FOCAD: variants seen among roughly 807,000 people sequenced by gnomAD.
FOCAD encodes the protein focadhesin.
FOCAD carries 198 observed loss-of-function variants against 225.6 expected under a neutral mutation model. The ratio of observed to expected loss-of-function variants is 0.88; its 90% CI spans 0.78 to 0.99. The LOEUF (loss-of-function observed/expected upper bound fraction) is 0.99, where lower values mean the gene tolerates loss of function less well. Ranked by LOEUF, FOCAD falls within the 50% of genes least tolerant of loss-of-function variation. The pLI, the probability that FOCAD is intolerant of heterozygous loss-of-function variation, is 0.00. For missense variants in FOCAD, 2,713 were observed against 2,123.6 expected (o/e 1.28, Z -5.46); for synonymous variants, 897 against 755.0 (o/e 1.19, Z -3.08).
At chr9:20,829,221 A>G (rs919597657) in intron 15 of FOCAD, among the ~76,000 whole-genome samples, 1 of 152,114 alleles carries the variant, frequency 6.6e-6, no homozygotes, top group Admixed American at 6.6e-5. Context: ...TGCACCTTCC[A>G]TAATTGTTGA....
At chr9:20,986,648 T>A (rs1841199572) in intron 40 of FOCAD, among the ~76,000 whole-genome samples, 183 bp downstream of exon 40, 2 of 152,294 alleles carry the variant, frequency 1.3e-5, no homozygotes, top group Non-Finnish European at 2.9e-5. Flanking sequence ...CAACATCCAC[T>A]TTTTGGAAAT....
At chr9:20,949,450 C>T (rs190682581) in intron 32 of FOCAD, among the ~76,000 whole-genome samples, 154 bp from the exon 33 acceptor site, 3 of 151,794 alleles carry the variant, frequency 2.0e-5, no homozygotes, top group Admixed American at 1.3e-4. Context: ...GGGGCCCTGC[C>T]TTTGAGGAGT....
At chr9:20,872,159 C>A (rs1261493033) in intron 18 of FOCAD, among the ~76,000 whole-genome samples, 2 of 152,022 alleles carry the variant, frequency 1.3e-5, no homozygotes, top group African/African-American at 4.8e-5. Flanking sequence ...CAGACATATG[C>A]TATTCACTGC....
At chr9:20,781,546 T>A (rs191680637) in intron 9 of FOCAD, among the ~76,000 whole-genome samples, 181 bp from the exon 10 acceptor site, 1 of 152,364 alleles carries the variant, frequency 6.6e-6, no homozygotes, top group Non-Finnish European at 1.5e-5. Flanking sequence ...TTATTTTATA[T>A]AATAGTTTAT....
intron 35 of FOCAD, chr9:20,957,490 T>TTTTTTTTTTC (rs1409037926): frequency 7.7e-6 from 1 of 130,562 alleles, no homozygotes; most frequent in East Asian, 2.3e-4. Context: ...TTTTTTTTTT[T>TTTTTTTTTTC]TTTTGAGACA....
chr9:20,723,254 G>C (rs563096683), intron 4 of FOCAD, among the ~76,000 whole-genome samples: 3 of 152,342 alleles, frequency 2.0e-5, no homozygotes, highest in African/African-American at 7.2e-5. Flanking sequence ...TCGGCAGGCC[G>C]AGGCAGGCGA....
At chr9:20,714,779 G>A (rs1265126930) in intron 1 of FOCAD, among the ~76,000 whole-genome samples, 1 of 151,244 alleles carries the variant, frequency 6.6e-6, no homozygotes, top group African/African-American at 2.4e-5. Flanking sequence ...TTAAAAGTTG[G>A]TGCTAATTGT....
intron 4 of FOCAD, among the ~76,000 whole-genome samples, chr9:20,723,747 T>C (rs1471735701): frequency 1.3e-5 from 2 of 152,174 alleles, no homozygotes; most frequent in African/African-American, 4.8e-5. Context: ...GCATTTTCAG[T>C]GAAAAAATAT....
chr9:20,828,869 T>C (rs1245867224), intron 15 of FOCAD, among the ~76,000 whole-genome samples: 5 of 152,164 alleles, frequency 3.3e-5, no homozygotes, highest in Non-Finnish European at 2.9e-5. Context: ...ATCCCACTTA[T>C]AATTGAGAAC....
chr9:20,787,499 T>C (rs1820043658), intron 10 of FOCAD, among the ~76,000 whole-genome samples: 1 of 152,198 alleles, frequency 6.6e-6, no homozygotes, highest in South Asian at 2.1e-4. Flanking sequence ...CTAAAAACCT[T>C]GGCCATGGTT....
intron 21 of FOCAD, among the ~76,000 whole-genome samples, chr9:20,901,661 T>A (rs563947810): frequency 6.6e-6 from 1 of 152,004 alleles, no homozygotes; most frequent in South Asian, 2.1e-4. Flanking sequence ...GAAACATGAT[T>A]ACCTTTTCAT....
At chr9:20,799,229 T>C (rs899637939) in intron 11 of FOCAD, among the ~76,000 whole-genome samples, 1 of 152,204 alleles carries the variant, frequency 6.6e-6, no homozygotes, top group Non-Finnish European at 1.5e-5. Flanking sequence ...TTATAATTTG[T>C]GTTCTTTTAC....
At chr9:20,893,524 G>C (rs1249592328) in intron 21 of FOCAD, among the ~76,000 whole-genome samples, 1 of 151,988 alleles carries the variant, frequency 6.6e-6, no homozygotes, top group East Asian at 1.9e-4. Context: ...CTTATGTACT[G>C]TTTGTGTTGT....
chr9:20,708,617 A>G (rs897726806), intron 1 of FOCAD, among the ~76,000 whole-genome samples: 2 of 151,904 alleles, frequency 1.3e-5, no homozygotes, highest in Middle Eastern at 3.4e-3. Flanking sequence ...AAAAAATTTT[A>G]AAAAAACTTT....
In FOCAD at chr9:20,862,659, A is replaced by T; in HGVS notation, c.2002A>T (p.Ser668Cys). The T allele has an allele frequency of 6.2e-7, 1 of 1,613,628 alleles. No homozygotes were observed. The highest frequency in any genetic ancestry group is 8.5e-7 in the Non-Finnish European group (1 of 1,179,658). Residue 668 changes from serine (S) to cysteine (C), a missense_variant, in exon 16 of 44, where the codon AGT becomes TGT. Transcript: ENST00000338382. ...AAGACCTCTCATTCTGAAGACACTG[A>T]GTGAACTATTTTCTCTAGTTCCTTC... is the stretch of plus-strand genomic sequence containing the variant. Reference protein sequence around the residue: ...DTRPLILKTLSELFSLVPSLT... With the variant: ...DTRPLILKTLCELFSLVPSLT...
At chr9:20,825,986 G>T (rs1194490850) in intron 15 of FOCAD, among the ~76,000 whole-genome samples, 2 of 152,070 alleles carry the variant, frequency 1.3e-5, no homozygotes, top group Non-Finnish European at 2.9e-5. Flanking sequence ...TTGGTAAAGA[G>T]AAATTTGTCC....
At chr9:20,984,998 A>C (rs537545727) in intron 39 of FOCAD, among the ~76,000 whole-genome samples, 1 of 152,222 alleles carries the variant, frequency 6.6e-6, no homozygotes, top group Non-Finnish European at 1.5e-5. Context: ...ACAGGGTTTT[A>C]CCATGTTGGC....
chr9:20,862,691 G>A lies in FOCAD; in HGVS notation c.2034G>A (p.Thr678=), dbSNP rs201863551. Residue 678 remains threonine, a synonymous_variant, in exon 16 of 44, where the codon ACG becomes ACA. Coordinates refer to ENST00000338382, the MANE Select transcript of FOCAD (RefSeq NM_001375567.1). ...SELFSLVPSL[T]VNTTEYENFK... ...TATTTTCTCTAGTTCCTTCCTTAACGGTCAATACAACTGAATATGAGGTAT... is the reference window on the plus strand; with the variant it reads ...TATTTTCTCTAGTTCCTTCCTTAACAGTCAATACAACTGAATATGAGGTAT... The A allele has an allele frequency of 3.0e-5, 48 of 1,612,268 alleles. No individual in the cohort carries two copies. In the East Asian group the frequency reaches 3.1e-4, roughly 10 times the overall value.
intron 4 of FOCAD, among the ~76,000 whole-genome samples, chr9:20,721,288 T>A (rs1207953258): frequency 6.6e-6 from 1 of 152,204 alleles, no homozygotes; most frequent in Non-Finnish European, 1.5e-5. Context: ...TCCCTCCTCC[T>A]TGGTGAAGCT....
Sources: allele counts gnomAD v4.1 joint callset (sites outside exome capture counted in the v4.1 genomes callset), GRCh38; gene constraint gnomAD v4.1.1; transcripts MANE v1.5; gene names NCBI Gene and HGNC (gene_info 2026-07-23, HGNC 2026-07-21).